Variants in LSAMP observed in about 807,000 individuals in gnomAD.
LSAMP encodes the protein limbic system associated membrane protein, also known as limbic system-associated membrane protein.
LSAMP carries 7 observed loss-of-function variants against 38.6 expected under a neutral mutation model. The ratio of observed to expected loss-of-function variants is 0.18; its 90% CI spans 0.10 to 0.34. LSAMP has a LOEUF of 0.34. Ranked by LOEUF, LSAMP falls within the 10% of genes least tolerant of loss-of-function variation. The probability of loss-of-function intolerance (pLI) is 1.00; values close to 1 mark genes in which losing one functional copy is unlikely to be tolerated. For synonymous variants in LSAMP, 154 were observed against 166.8 expected (o/e 0.92, Z 0.59); for missense variants, 313 against 420.0 (o/e 0.75, Z 2.23).
intron 1 of LSAMP, among the ~76,000 whole-genome samples, chr3:116,363,806 C>G (rs1362721144): frequency 6.7e-6 from 1 of 149,938 alleles, no homozygotes; most frequent in African/African-American, 2.5e-5. Context: ...TGAAAAAATT[C>G]AACAACCCTT....
chr3:116,354,823 G>GTC (rs1455594616), intron 1 of LSAMP, among the ~76,000 whole-genome samples: 5 of 147,656 alleles, frequency 3.4e-5, no homozygotes, highest in East Asian at 4.1e-4. Flanking sequence ...AAAGCTCTCT[G>GTC]TCTCTCTCTC....
intron 3 of LSAMP, among the ~76,000 whole-genome samples, chr3:115,933,667 G>T (rs1404484893): frequency 2.0e-5 from 3 of 152,166 alleles, no homozygotes; most frequent in Non-Finnish European, 4.4e-5. Flanking sequence ...GGAAGAGTGT[G>T]CAGAGAAAAG....
chr3:115,920,069 C>T (rs756167951), intron 3 of LSAMP, among the ~76,000 whole-genome samples: 4 of 152,180 alleles, frequency 2.6e-5, no homozygotes, highest in Non-Finnish European at 4.4e-5. Context: ...ATATATACCA[C>T]ATTTTTCTTA....
Position 116,240,235 on chromosome 3 carries a change from G to A in LSAMP, c.156-153679C>T, listed in dbSNP as rs140774219. On this transcript the variant is annotated intron_variant, in intron 1 of 6. Transcript: ENST00000490035. ...ATTTGACAAAAATGATATCTATCAT[G>A]CATGCTATTTATGAGATCTATGAAG... Among the ~76,000 whole-genome samples, 719 of 152,280 alleles carry A rather than the reference G, an allele frequency of 4.7e-3. 5 individuals are homozygous for A. The highest frequency in any genetic ancestry group is 0.016 in the African/African-American group (680 of 41,546).
At chr3:116,204,956 T>G (rs373517173) in intron 1 of LSAMP, among the ~76,000 whole-genome samples, 175 of 144,574 alleles carry the variant, frequency 1.2e-3, no homozygotes, top group African/African-American at 4.0e-3. Flanking sequence ...TTGGTAGCTT[T>G]ATGGGGATGG....
At chr3:115,896,826 G>C (rs999642158) in intron 3 of LSAMP, among the ~76,000 whole-genome samples, 5 of 151,986 alleles carry the variant, frequency 3.3e-5, no homozygotes, top group Non-Finnish European at 7.4e-5. Flanking sequence ...GAGGGAAGAG[G>C]GCTTCTTTTT....
intron 1 of LSAMP, among the ~76,000 whole-genome samples, chr3:116,293,212 C>T (rs942742961): frequency 2.0e-5 from 3 of 152,122 alleles, no homozygotes; most frequent in African/African-American, 7.2e-5. Flanking sequence ...AGTACTAGAT[C>T]CATATTGTAT....
At chr3:116,221,402 A>G (rs2046283194) in intron 1 of LSAMP, among the ~76,000 whole-genome samples, 1 of 152,170 alleles carries the variant, frequency 6.6e-6, no homozygotes, top group African/African-American at 2.4e-5. Flanking sequence ...TCCAAGCTAT[A>G]GCCTTGTCCA....
intron 2 of LSAMP, among the ~76,000 whole-genome samples, chr3:116,036,415 T>C (rs962053797): frequency 3.3e-5 from 5 of 152,206 alleles, no homozygotes; most frequent in African/African-American, 9.6e-5. Flanking sequence ...GTAAGAGATA[T>C]AGGCCTTATA....
intron 1 of LSAMP, among the ~76,000 whole-genome samples, chr3:116,310,917 T>G (rs2047550169): frequency 1.3e-5 from 2 of 151,288 alleles, no homozygotes; most frequent in African/African-American, 4.9e-5. Flanking sequence ...ATAAGTTGTT[T>G]TTTTTTTTTT....
rs185512363 is a variant in LSAMP, at chr3:116,300,993, G to A, written c.155+143884C>T. On this transcript the variant is annotated intron_variant, in intron 1 of 6. Transcript: ENST00000490035. The stretch of plus-strand genomic sequence containing the variant: ...ATATAATAAATATTATTTTTAATAC[G>A]TGGTTATTCAGTCTCAGAATATTAT... Among the ~76,000 whole-genome samples the A allele has an allele frequency of 5.9e-5, 9 of 151,806 alleles. No homozygotes were observed. In the South Asian group the frequency reaches 6.2e-4, roughly 11 times the overall value.
chr3:116,066,103 G>T (rs73858512), intron 2 of LSAMP, among the ~76,000 whole-genome samples: 14 of 152,092 alleles, frequency 9.2e-5, no homozygotes, highest in African/African-American at 3.1e-4. Flanking sequence ...CAAAGATCAA[G>T]GTGCCAACAG....
intron 3 of LSAMP, among the ~76,000 whole-genome samples, chr3:115,899,243 T>C (rs1423556320): frequency 6.6e-6 from 1 of 152,070 alleles, no homozygotes; most frequent in African/African-American, 2.4e-5. Context: ...GAGAAATGCA[T>C]TTATATAGGT....
intron 1 of LSAMP, among the ~76,000 whole-genome samples, chr3:116,295,832 AACAT>A (rs10576086): frequency 0.99 from 150,133 of 152,218 alleles, 74,084 homozygotes; most frequent in Middle Eastern, 1. Context: ...CCTGTGAGAA[AACAT>A]ACATAATAAA....
chr3:116,237,487 T>C (rs1287453058), intron 1 of LSAMP, among the ~76,000 whole-genome samples: 1 of 152,186 alleles, frequency 6.6e-6, no homozygotes, highest in East Asian at 1.9e-4. Flanking sequence ...GTAAGAAGTA[T>C]GAAATGGAAC....
At chr3:115,964,506 T>C (rs1420996850) in intron 3 of LSAMP, among the ~76,000 whole-genome samples, 1 of 152,222 alleles carries the variant, frequency 6.6e-6, no homozygotes, top group East Asian at 1.9e-4. Flanking sequence ...GAATGCCCTC[T>C]ATCACTACTT....
chr3:116,420,956 T>G (rs1052950408), intron 1 of LSAMP, among the ~76,000 whole-genome samples: 5 of 152,156 alleles, frequency 3.3e-5, no homozygotes, highest in African/African-American at 1.2e-4. Context: ...CAACAAGTGG[T>G]GCTGGACTAA....
intron 1 of LSAMP, among the ~76,000 whole-genome samples, chr3:116,226,978 G>A (rs1170574131): frequency 6.6e-6 from 1 of 151,988 alleles, no homozygotes; most frequent in Non-Finnish European, 1.5e-5. Context: ...ATTTTATTCT[G>A]ATTTTGTCTG....
At chr3:116,334,847 A>G (rs1478947690) in intron 1 of LSAMP, among the ~76,000 whole-genome samples, 1 of 152,106 alleles carries the variant, frequency 6.6e-6, no homozygotes, top group African/African-American at 2.4e-5. Context: ...TTGCACTTTC[A>G]CTATTTCTAT....
Sources: gnomAD v4.1 joint callset for allele counts (sites outside exome capture counted in the v4.1 genomes callset) on GRCh38, gnomAD v4.1.1 for gene constraint, MANE v1.5 for transcripts, NCBI Gene and HGNC (gene_info 2026-07-23, HGNC 2026-07-21) for gene names.